HUNK: variants seen among roughly 807,000 people sequenced by gnomAD.
HUNK encodes the protein hormonally up-regulated neu tumor-associated kinase.
In HUNK, 21 loss-of-function variants were observed where a neutral mutation model predicts 61.0. That is an observed-to-expected ratio of 0.34 (90% confidence interval 0.24 to 0.50). The LOEUF (loss-of-function observed/expected upper bound fraction) is 0.50. Ranked by LOEUF, HUNK falls within the 20% of genes least tolerant of loss-of-function variation. HUNK has a pLI of 0.98. For synonymous variants in HUNK, 371 were observed against 386.1 expected (o/e 0.96, Z 0.46); for missense variants, 772 against 945.7 (o/e 0.82, Z 2.41).
intron 1 of HUNK, among the ~76,000 whole-genome samples, chr21:31,899,432 CTG>C (rs143720852): frequency 6.6e-6 from 1 of 152,018 alleles, no homozygotes; most frequent in East Asian, 1.9e-4. Context: ...GTGACCTTTG[CTG>C]TGTGTGTGTG....
chr21:31,894,417 C>G lies in HUNK; in HGVS notation c.261+20482C>G, dbSNP rs887836584. On this transcript the variant is annotated intron_variant, in intron 1 of 10. Coordinates refer to ENST00000270112, the MANE Select transcript of HUNK (RefSeq NM_014586.2). ...CCAGGTGTACTGTGATGTCAGAATA[C>G]TCACTGCTGGGGAAATTTCCCAGTT... 2.0e-4 allele frequency among the ~76,000 whole-genome samples: 31 copies of G among 152,276 alleles called. No individual in the cohort carries two copies. The East Asian group carries it at 5.8e-3, about 28-fold the overall frequency.
rs116211668 is a variant in HUNK, at chr21:31,999,185, C to T, written c.*1C>T. The T allele has an allele frequency of 6.3e-7, 1 of 1,592,728 alleles. No individual in the cohort carries two copies. The highest frequency in any genetic ancestry group is 1.8e-5 in the Admixed American group (1 of 55,912). On this transcript the variant is annotated 3_prime_UTR_variant, in exon 11 of 11. Coordinates refer to ENST00000270112, the MANE Select transcript of HUNK (RefSeq NM_014586.2). ...CGATGGGGTCAAGACCCAGTGCTAA[C>T]TTGGGCCAGCGGGGTTTGGGGTATC...
chr21:31,942,826 C>T (rs906453123), intron 3 of HUNK, among the ~76,000 whole-genome samples: 2 of 152,164 alleles, frequency 1.3e-5, no homozygotes, highest in African/African-American at 2.4e-5. Context: ...TGCCAGTTCT[C>T]TACTGAGCAG....
At chr21:31,912,974 C>CAGT (rs981099849) in intron 1 of HUNK, among the ~76,000 whole-genome samples, 1 of 152,184 alleles carries the variant, frequency 6.6e-6, no homozygotes, top group Non-Finnish European at 1.5e-5. Flanking sequence ...TTTCCCAAGG[C>CAGT]AGTAGTAGAG....
At chr21:31,987,115 T>C (rs2053139003) in intron 8 of HUNK, among the ~76,000 whole-genome samples, 1 of 151,918 alleles carries the variant, frequency 6.6e-6, no homozygotes, top group Non-Finnish European at 1.5e-5. Context: ...TCTCAGAAAA[T>C]GGATAGGTCT....
intron 1 of HUNK, among the ~76,000 whole-genome samples, chr21:31,903,013 G>A (rs558334370): frequency 2.0e-5 from 3 of 150,256 alleles, no homozygotes; most frequent in Non-Finnish European, 3.0e-5. Context: ...TTTTTTTCTC[G>A]GTGCGGGAGA....
intron 1 of HUNK, among the ~76,000 whole-genome samples, chr21:31,922,992 A>T (rs1316268166): frequency 6.6e-6 from 1 of 152,172 alleles, no homozygotes; most frequent in Non-Finnish European, 1.5e-5. Flanking sequence ...AGTTCATGAC[A>T]GGGCATCTGG....
chr21:31,895,159 T>C (rs2052416735), intron 1 of HUNK, among the ~76,000 whole-genome samples: 1 of 152,166 alleles, frequency 6.6e-6, no homozygotes, highest in Admixed American at 6.5e-5. Flanking sequence ...TTTATGTCAC[T>C]CAAGGCCCAG....
chr21:31,997,720 G>A (rs142685697), intron 10 of HUNK, among the ~76,000 whole-genome samples: 22 of 152,246 alleles, frequency 1.4e-4, no homozygotes, highest in Non-Finnish European at 2.4e-4. Flanking sequence ...TTTCTGCTAC[G>A]TGTTTTTTAC....
At chr21:31,911,192 G>C (rs995043401) in intron 1 of HUNK, among the ~76,000 whole-genome samples, 4 of 152,216 alleles carry the variant, frequency 2.6e-5, no homozygotes, top group African/African-American at 7.2e-5. Flanking sequence ...GGCTGTTCTG[G>C]ATGTGGTAAG....
intron 4 of HUNK, among the ~76,000 whole-genome samples, chr21:31,958,306 C>CT (rs760759431): frequency 1.1e-4 from 17 of 150,726 alleles, no homozygotes; most frequent in Non-Finnish European, 1.9e-4. Flanking sequence ...TTCTTTCTTT[C>CT]TTTTTTTTTG....
chr21:31,968,235 C>T lies in HUNK; in HGVS notation c.875-15C>T, dbSNP rs986697526. ...GCCTGTAACATGCGTGCATTCTTTC[C>T]CAAATGTCTCCCAGGTGCCATCAGT... On this transcript the variant is annotated splice_polypyrimidine_tract_variant and intron_variant, in intron 5 of 10. Coordinates refer to ENST00000270112, the MANE Select transcript of HUNK (RefSeq NM_014586.2). 4.3e-6 allele frequency: 7 copies of T among 1,613,990 alleles called. No homozygotes were observed. Among genetic ancestry groups the T allele is most frequent in the South Asian group, 1.1e-5 (1 of 91,070 alleles).
rs1048325937 is a variant in HUNK, at chr21:32,002,114, T to A, written c.*2930T>A. On this transcript the variant is annotated 3_prime_UTR_variant, in exon 11 of 11. Transcript: ENST00000270112. ...TTCTTTTTCTTTTTTTGAGACAGGG[T>A]CTTGCTCTGTCACCCAGGCTGGAGT... 6.6e-6 allele frequency: 1 copy of A among 152,648 alleles called. No homozygotes were observed. Among genetic ancestry groups the A allele is most frequent in the African/African-American group, 2.4e-5 (1 of 41,450 alleles). 9.5% of individuals were successfully genotyped at this position (152,648 alleles called of 1,614,324 possible).
At chr21:31,962,912 T>C (rs2052938455) in intron 5 of HUNK, among the ~76,000 whole-genome samples, 1 of 152,216 alleles carries the variant, frequency 6.6e-6, no homozygotes, top group South Asian at 2.1e-4. Context: ...TTTTGATTAC[T>C]CAGGATTGGG....
At chr21:31,947,216 G>A (rs6517065) in intron 4 of HUNK, among the ~76,000 whole-genome samples, 2,258 of 124,412 alleles carry the variant, frequency 0.018, no homozygotes, top group African/African-American at 0.062. Flanking sequence ...CCAGTCTCAA[G>A]CCAGTGGCGC....
At chr21:31,982,719 G>C (rs1288349282) in intron 7 of HUNK, among the ~76,000 whole-genome samples, 1 of 152,094 alleles carries the variant, frequency 6.6e-6, no homozygotes, top group Non-Finnish European at 1.5e-5. Flanking sequence ...AATTGTTATG[G>C]CTTTCATTTG....
intron 2 of HUNK, among the ~76,000 whole-genome samples, chr21:31,926,220 G>T (rs1365252329): frequency 6.6e-6 from 1 of 152,188 alleles, no homozygotes; most frequent in African/African-American, 2.4e-5. Flanking sequence ...GCCCGGCATA[G>T]AAATCATTTT....
chr21:31,921,170 A>G lies in HUNK; in HGVS notation c.262-3298A>G, dbSNP rs996960116. 1.1e-4 allele frequency among the ~76,000 whole-genome samples: 16 copies of G among 151,278 alleles called. 1 individual carries two copies. The East Asian group carries it at 2.9e-3, about 27-fold the overall frequency. On this transcript the variant is annotated intron_variant, in intron 1 of 10. Transcript: ENST00000270112. Reference sequence around the variant, plus strand: ...ATTCCATCTCAAAAAAAAAAAAAAAAAAAAAAAAAAAAGAAGGAGACACTG... The same window carrying G: ...ATTCCATCTCAAAAAAAAAAAAAAAGAAAAAAAAAAAAGAAGGAGACACTG...
chr21:31,920,370 C>T (rs2052614625), intron 1 of HUNK, among the ~76,000 whole-genome samples: 1 of 152,190 alleles, frequency 6.6e-6, no homozygotes, highest in Admixed American at 6.5e-5. Context: ...TTGAAGAACT[C>T]AATAAGGTAT....
Sources: gnomAD v4.1 joint callset for allele counts (sites outside exome capture counted in the v4.1 genomes callset) on GRCh38, gnomAD v4.1.1 for gene constraint, MANE v1.5 for transcripts, NCBI Gene and HGNC (gene_info 2026-07-23, HGNC 2026-07-21) for gene names.